FAM170A: variants seen among roughly 807,000 people sequenced by gnomAD.
The protein encoded by FAM170A is family with sequence similarity 170 member A.
In FAM170A, 28 loss-of-function variants were observed where a neutral mutation model predicts 36.6. The ratio of observed to expected loss-of-function variants is 0.76; its 90% confidence interval spans 0.57 to 1.05. The LOEUF (loss-of-function observed/expected upper bound fraction) is 1.05, where lower values mean the gene tolerates loss of function less well. Among genes scored for constraint, FAM170A ranks in the 50% least tolerant of loss-of-function variants. The pLI is 0.00. For missense variants in FAM170A, 434 were observed against 396.5 expected (o/e 1.09, Z -0.80); for synonymous variants, 156 against 143.9 (o/e 1.08, Z -0.60).
chr5:119,629,753 T>G, exon 1 of FAM170A: 1 of 1,606,448 alleles, frequency 6.2e-7, no homozygotes, highest in Non-Finnish European at 8.5e-7. Flanking sequence ...TTCTAGAAAC[T>G]CTTCTAGCTG....
chr5:119,629,615 CG>C (rs1327558201), exon 1 of FAM170A: 1 of 576,612 alleles, frequency 1.7e-6, no homozygotes, highest in East Asian at 3.2e-5. Context: ...CTTCACTAAG[CG>C]GTCTGAGTTC....
chr5:119,634,960 G>A, intron 3 of FAM170A, 68 bp from the exon 4 acceptor site: 4 of 1,600,790 alleles, frequency 2.5e-6, no homozygotes, highest in East Asian at 4.5e-5. Context: ...GCTCCTGCAG[G>A]AAATTCTGAG....
In FAM170A at chr5:119,634,657, CA is replaced by C; in HGVS notation, c.910del (p.Thr304GlnfsTer7). On this transcript the variant is annotated frameshift_variant, in exon 3 of 5. Coordinates refer to ENST00000613773, the Ensembl canonical transcript of FAM170A. LOFTEE classifies it high-confidence loss of function. ...AAGCAAAGGAGGAGGAGGGGCAGCC[CA>C]CAGAAGAAGACCTTGGCCTGAGGAG... is the stretch of plus-strand genomic sequence containing the variant. 1 of 1,598,848 alleles carries C rather than the reference CA, an allele frequency of 6.3e-7. No homozygotes were observed. The highest frequency in any genetic ancestry group is 2.2e-5 in the East Asian group (1 of 44,872).
At chr5:119,629,671 T>C (rs1756197961) in exon 1 of FAM170A, 1 of 926,362 alleles carries the variant, frequency 1.1e-6, no homozygotes, top group African/African-American at 1.7e-5. Flanking sequence ...GTACTGAATC[T>C]TTTTAATGAA....
intron 1 of FAM170A, among the ~76,000 whole-genome samples, chr5:119,632,127 T>G (rs557513248): frequency 3.9e-5 from 6 of 152,358 alleles, no homozygotes; most frequent in African/African-American, 1.4e-4. Context: ...TATTTTTGTT[T>G]GCTAAATCTG....
intron 1 of FAM170A, among the ~76,000 whole-genome samples, chr5:119,630,701 CG>C (rs1756230844): frequency 6.6e-6 from 1 of 152,110 alleles, no homozygotes. Context: ...CTCAGGCAGG[CG>C]GGGGACCCAC....
At chr5:119,632,303 T>C (rs1310867579) in intron 1 of FAM170A, among the ~76,000 whole-genome samples, 1 of 152,216 alleles carries the variant, frequency 6.6e-6, no homozygotes, top group African/African-American at 2.4e-5. Flanking sequence ...TCATGGTAGC[T>C]GTTCATGAAA....
At chr5:119,630,124 C>G (rs112873880) in intron 1 of FAM170A, among the ~76,000 whole-genome samples, 32,969 of 143,316 alleles carry the variant, frequency 0.23, 4,249 homozygotes, top group Non-Finnish European at 0.29. Flanking sequence ...ATCTCCTGAC[C>G]TCCTGATCCG....
chr5:119,630,436 G>A (rs762779107), intron 1 of FAM170A, among the ~76,000 whole-genome samples: 2 of 151,890 alleles, frequency 1.3e-5, no homozygotes, highest in Admixed American at 1.3e-4. Context: ...CTCCCAAAGT[G>A]CTGGGATTAT....
chr5:119,633,985 C>G, exon 3 of FAM170A: 1 of 1,613,118 alleles, frequency 6.2e-7, no homozygotes, highest in South Asian at 1.1e-5. Context: ...ATCGAGACAG[C>G]CCCCAGCCTC....
intron 2 of FAM170A, among the ~76,000 whole-genome samples, chr5:119,633,547 C>T (rs888260051): frequency 1.3e-5 from 2 of 152,012 alleles, no homozygotes; most frequent in Admixed American, 6.5e-5. Context: ...CAGGCCCACA[C>T]ACCTCACACA....
chr5:119,630,112 C>G (rs1363094468), intron 1 of FAM170A, among the ~76,000 whole-genome samples: 1 of 140,886 alleles, frequency 7.1e-6, no homozygotes, highest in Admixed American at 7.4e-5. Flanking sequence ...AGGATGGTCT[C>G]GATCTCCTGA....
chr5:119,630,244 T>A lies in FAM170A; in HGVS notation c.70+406T>A, dbSNP rs534678653. 2.9e-5 allele frequency among the ~76,000 whole-genome samples: 4 copies of A among 137,416 alleles called. No homozygotes were observed. In the South Asian group the frequency reaches 1.0e-3, roughly 35 times the overall value. The allele number at this position is 137,416 out of a possible 152,430, so 90.2% of individuals were successfully genotyped here. ...AGCTCGGCTCACTGCAAGCTCCGCC[T>A]CCCAGGTTCACGCCATTCACCTGCC... is the stretch of plus-strand genomic sequence containing the variant. On this transcript the variant is annotated intron_variant, in intron 1 of 4. Coordinates refer to ENST00000613773, the Ensembl canonical transcript of FAM170A.
intron 1 of FAM170A, among the ~76,000 whole-genome samples, chr5:119,632,419 T>C (rs1756272978): frequency 1.3e-5 from 2 of 152,220 alleles, no homozygotes; most frequent in African/African-American, 2.4e-5. Flanking sequence ...CACAAAACTA[T>C]GCACACAAAC....
chr5:119,633,176 C>G (rs1296021562), intron 2 of FAM170A, among the ~76,000 whole-genome samples: 1 of 152,040 alleles, frequency 6.6e-6, no homozygotes, highest in Non-Finnish European at 1.5e-5. Context: ...TGCTGGACTC[C>G]TTAGGCATGG....
intron 4 of FAM170A, 90 bp downstream of exon 4, chr5:119,635,176 C>G: frequency 2.3e-6 from 2 of 871,272 alleles, no homozygotes; most frequent in Non-Finnish European, 3.8e-6. Context: ...CACTGGGTCA[C>G]CTGGTGGCTC....
At chr5:119,631,702 CT>C (rs1756255955) in intron 1 of FAM170A, among the ~76,000 whole-genome samples, 1 of 152,082 alleles carries the variant, frequency 6.6e-6, no homozygotes, top group East Asian at 1.9e-4. Context: ...ACAGTCTTTT[CT>C]TCCTACAGAG....
chr5:119,634,822 G>A (rs558914029), intron 3 of FAM170A, 88 bp downstream of exon 3: 6 of 1,406,036 alleles, frequency 4.3e-6, no homozygotes, highest in South Asian at 1.4e-5. Flanking sequence ...TTAGGTCTCT[G>A]TAAGGAAGAT....
chr5:119,633,278 A>C (rs914792383), intron 2 of FAM170A, among the ~76,000 whole-genome samples: 3 of 152,132 alleles, frequency 2.0e-5, no homozygotes, highest in Admixed American at 6.5e-5. Flanking sequence ...GGATATGATC[A>C]GAGCTCTGCA....
Sources: allele counts gnomAD v4.1 joint callset (sites outside exome capture counted in the v4.1 genomes callset), GRCh38; gene constraint gnomAD v4.1.1; transcripts MANE v1.5; gene names NCBI Gene and HGNC (gene_info 2026-07-23, HGNC 2026-07-21).